The following MIS18BP1 variants were observed in gnomAD, a reference collection of about 807,000 sequenced individuals.
MIS18BP1 encodes the protein mis18-binding protein 1.
MIS18BP1 carries 72 observed loss-of-function variants against 116.1 expected under a neutral mutation model. The observed-to-expected ratio is 0.62, with a 90% confidence interval of 0.51 to 0.75. The LOEUF is 0.75. Among genes scored for constraint, MIS18BP1 ranks in the 30% least tolerant of loss-of-function variants. The probability of loss-of-function intolerance (pLI) is 0.00; values close to 1 mark genes in which losing one functional copy is unlikely to be tolerated. For synonymous variants in MIS18BP1, 386 were observed against 427.0 expected (o/e 0.90, Z 1.18); for missense variants, 1,363 against 1,303.2 (o/e 1.05, Z -0.71).
At chr14:45,207,333 C>T (rs1285544341) in intron 14 of MIS18BP1, among the ~76,000 whole-genome samples, 1 of 152,184 alleles carries the variant, frequency 6.6e-6, no homozygotes, top group African/African-American at 2.4e-5. Flanking sequence ...TCAAACACTG[C>T]TGTATAGCAA....
intron 12 of MIS18BP1, 56 bp from the exon 13 acceptor site, chr14:45,217,235 T>C: frequency 6.4e-7 from 1 of 1,558,370 alleles, no homozygotes; most frequent in Non-Finnish European, 8.7e-7. Flanking sequence ...GTAACTGCTC[T>C]ATAAAGTTAA....
chr14:45,210,305 G>C (rs944619882), intron 14 of MIS18BP1, 75 bp downstream of exon 14: 1 of 1,435,700 alleles, frequency 7.0e-7, no homozygotes, highest in African/African-American at 1.4e-5. Context: ...GGCATCTATG[G>C]TCCTCATGAA....
chr14:45,245,968 A>G (rs967581852), intron 2 of MIS18BP1, among the ~76,000 whole-genome samples: 2 of 152,218 alleles, frequency 1.3e-5, no homozygotes, highest in African/African-American at 4.8e-5. Context: ...CGTCTGTCCT[A>G]GAGTCCAGCC....
intron 7 of MIS18BP1, 131 bp downstream of exon 7, chr14:45,232,602 C>A: frequency 1.6e-6 from 1 of 629,700 alleles, no homozygotes; most frequent in Admixed American, 2.6e-5. Context: ...CGAGACCAGT[C>A]TGGCCAACAT....
At chr14:45,214,268 T>A (rs916780737) in intron 13 of MIS18BP1, among the ~76,000 whole-genome samples, 2 of 152,234 alleles carry the variant, frequency 1.3e-5, no homozygotes, top group South Asian at 4.1e-4. Context: ...GACTGTATGT[T>A]CTATTTACTG....
At chr14:45,246,458 A>G (rs894435529) in intron 2 of MIS18BP1, among the ~76,000 whole-genome samples, 2 of 152,208 alleles carry the variant, frequency 1.3e-5, no homozygotes, top group Admixed American at 6.5e-5. Context: ...AATTCAAATT[A>G]CTGAAGATTA....
intron 8 of MIS18BP1, among the ~76,000 whole-genome samples, chr14:45,229,382 T>C (rs1891214711): frequency 6.6e-6 from 1 of 151,872 alleles, no homozygotes; most frequent in South Asian, 2.1e-4. Flanking sequence ...TGTATGCCTG[T>C]AGTCCCAGCT....
At position 45,227,680 on chromosome 14, in the gene MIS18BP1, C is replaced by T; in HGVS notation, c.1729G>A (p.Asp577Asn). Reference sequence around the variant, plus strand: ...AGCCTTACCTGATTAGATAAGTCATCTCCTCCTCCATTTTGAATAGTATTA... The same window carrying T: ...AGCCTTACCTGATTAGATAAGTCATTTCCTCCTCCATTTTGAATAGTATTA... ...VNNTIQNGGGDDLSNQELIGK... is the reference protein window; with the variant it reads ...VNNTIQNGGGNDLSNQELIGK... The change falls in exon 9 of 17, where the codon GAT becomes AAT. Residue 577 changes from aspartate to asparagine, a missense_variant. Asp to Asn is a conservative substitution (Grantham distance 23). Coordinates refer to ENST00000310806, the MANE Select transcript of MIS18BP1 (RefSeq NM_018353.5). 3 of 1,613,086 alleles carry T rather than the reference C, an allele frequency of 1.9e-6. No individual in the cohort carries two copies. The highest frequency in any genetic ancestry group is 2.5e-6 in the Non-Finnish European group (3 of 1,179,194).
At chr14:45,237,012 C>CTT (rs11329365) in intron 5 of MIS18BP1, among the ~76,000 whole-genome samples, 44 of 136,992 alleles carry the variant, frequency 3.2e-4, no homozygotes, top group African/African-American at 6.8e-4. Flanking sequence ...ACAGTTATAA[C>CTT]TTTTTTTTTT....
rs1891586745 is a variant in MIS18BP1 at position 45,241,949 on chromosome 14, AAAT to A, written c.1143+82_1143+84del. On this transcript the variant is annotated intron_variant, in intron 4 of 16. Coordinates refer to ENST00000310806, the MANE Select transcript of MIS18BP1 (RefSeq NM_018353.5). ...CAGGTTCAAATCCTAGCTAGAAAAAAAATAATGAGAGAACATTAAAAGCTCAAG... is the reference window on the plus strand; with the variant it reads ...CAGGTTCAAATCCTAGCTAGAAAAAAAATGAGAGAACATTAAAAGCTCAAG... 4.2e-6 allele frequency: 6 copies of A among 1,421,368 alleles called. No homozygotes were observed. The South Asian group carries it at 4.2e-5, about 10-fold the overall frequency. 88.0% of individuals were successfully genotyped at this position (1,421,368 alleles called of 1,614,324 possible). A position where few individuals can be genotyped will look rare whatever the true frequency, so the allele number is the denominator to read the frequency against.
At chr14:45,232,290 G>A (rs548069739) in intron 7 of MIS18BP1, among the ~76,000 whole-genome samples, 2 of 151,682 alleles carry the variant, frequency 1.3e-5, no homozygotes, top group East Asian at 1.9e-4. Flanking sequence ...GGTGGCGGGC[G>A]CCTGTAGTCC....
chr14:45,239,346 A>G (rs1891513685), intron 4 of MIS18BP1, among the ~76,000 whole-genome samples: 2 of 152,240 alleles, frequency 1.3e-5, no homozygotes. Flanking sequence ...AAAAGGCATT[A>G]GATAAATGAG....
chr14:45,224,434 T>A lies in MIS18BP1; in HGVS notation c.2153A>T (p.Asp718Val). Reference sequence around the variant, plus strand: ...TATTTTCCGGTTGACAGTAAGTAAGTCACGTTCATCGCAATCTTCCTTGTT... The same window carrying A: ...TATTTTCCGGTTGACAGTAAGTAAGACACGTTCATCGCAATCTTCCTTGTT... ...SKNKEDCDER[D>V]LLTVNRKIKI... Residue 718 changes from aspartate (D) to valine (V), a missense_variant, in exon 11 of 17, where the codon GAC becomes GTC. Transcript: ENST00000310806. The A allele has an allele frequency of 1.2e-6, 2 of 1,613,990 alleles. No individual in the cohort carries two copies. The highest frequency in any genetic ancestry group is 2.2e-5 in the South Asian group (2 of 91,070).
chr14:45,221,306 G>A (rs949396462), intron 11 of MIS18BP1, among the ~76,000 whole-genome samples: 6 of 148,534 alleles, frequency 4.0e-5, no homozygotes, highest in Admixed American at 2.7e-4. Flanking sequence ...GCGTGGTCGC[G>A]GGCGCCTGTA....
At chr14:45,249,798 G>C (rs1270780187) in intron 1 of MIS18BP1, among the ~76,000 whole-genome samples, 1 of 152,150 alleles carries the variant, frequency 6.6e-6, no homozygotes, top group Admixed American at 6.5e-5. Flanking sequence ...TTGAACCTGG[G>C]AGGCGGAGGT....
chr14:45,223,833 T>C, intron 11 of MIS18BP1, 85 bp downstream of exon 11: 2 of 991,902 alleles, frequency 2.0e-6, no homozygotes, highest in Non-Finnish European at 2.9e-6. Context: ...ACATCTTCCA[T>C]GTTAACCCCT....
At chr14:45,215,868 C>A (rs1890803664) in intron 13 of MIS18BP1, among the ~76,000 whole-genome samples, 1 of 151,506 alleles carries the variant, frequency 6.6e-6, no homozygotes, top group Non-Finnish European at 1.5e-5. Flanking sequence ...CCATGCCTAG[C>A]TAATTTTCTG....
chr14:45,248,149 C>T (rs1443838370), intron 1 of MIS18BP1, among the ~76,000 whole-genome samples: 3 of 150,520 alleles, frequency 2.0e-5, no homozygotes, highest in South Asian at 4.2e-4. Context: ...CCACAACCTC[C>T]GCCTCCCAGG....
At chr14:45,239,562 C>G (rs1308684401) in intron 4 of MIS18BP1, among the ~76,000 whole-genome samples, 1 of 152,108 alleles carries the variant, frequency 6.6e-6, no homozygotes, top group Non-Finnish European at 1.5e-5. Context: ...CCAGGATTAA[C>G]TAAGTACAGC....
Sources: allele counts gnomAD v4.1 joint callset (sites outside exome capture counted in the v4.1 genomes callset), GRCh38; gene constraint gnomAD v4.1.1; transcripts MANE v1.5; gene names NCBI Gene and HGNC (gene_info 2026-07-23, HGNC 2026-07-21).